The following BTAF1 variants were observed in gnomAD, a reference collection of about 807,000 sequenced individuals.
BTAF1 encodes the protein B-TFIID TATA-box binding protein associated factor 1.
BTAF1 carries 38 observed loss-of-function variants against 227.1 expected under a neutral mutation model. The observed-to-expected ratio is 0.17, with a 90% CI of 0.13 to 0.22. The LOEUF is 0.22. Ranked by LOEUF, BTAF1 falls within the 10% of genes least tolerant of loss-of-function variation. BTAF1 has a pLI of 1.00. For synonymous variants in BTAF1, 742 were observed against 751.9 expected (o/e 0.99, Z 0.21); for missense variants, 1,598 against 2,204.0 (o/e 0.73, Z 5.51).
intron 1 of BTAF1, among the ~76,000 whole-genome samples, chr10:91,926,431 C>T (rs1843836186): frequency 6.6e-6 from 1 of 152,130 alleles, no homozygotes; most frequent in African/African-American, 2.4e-5. Flanking sequence ...CTTTGACTTC[C>T]CTTTTCCTCC....
rs1846393618 is a variant in BTAF1, at chr10:91,960,045, C to T, written c.1154C>T (p.Thr385Ile). 1 of 1,613,444 alleles carries T rather than the reference C, an allele frequency of 6.2e-7. No individual in the cohort carries two copies. Among genetic ancestry groups the T allele is most frequent in the Non-Finnish European group, 8.5e-7 (1 of 1,179,694 alleles). Residue 385 changes from threonine to isoleucine, a missense_variant, in exon 11 of 38, where the codon ACA becomes ATA. Thr to Ile is a moderately conservative substitution (Grantham distance 89). Coordinates refer to ENST00000265990, the MANE Select transcript of BTAF1 (RefSeq NM_003972.3). ...LGVVLKHMNETGVHKTVDVLL... is the reference protein window; with the variant it reads ...LGVVLKHMNEIGVHKTVDVLL... The stretch of plus-strand genomic sequence containing the variant: ...GTGGTTTTAAAACACATGAACGAAA[C>T]AGGAGTTCATAAGACTGTGGATGTG...
intron 25 of BTAF1, among the ~76,000 whole-genome samples, chr10:92,002,232 C>T (rs1211428469): frequency 6.6e-6 from 1 of 152,130 alleles, no homozygotes; most frequent in Non-Finnish European, 1.5e-5. Context: ...CGTTTAAGTT[C>T]ATTCCTGTTC....
chr10:91,992,023 G>A, intron 20 of BTAF1, 96 bp from the exon 21 acceptor site: 1 of 1,050,284 alleles, frequency 9.5e-7, no homozygotes, highest in Non-Finnish European at 1.3e-6. Flanking sequence ...AGGCCTAAAA[G>A]ACATAGTTTA....
Position 92,009,058 on chromosome 10 carries a change from G to C in BTAF1, c.3953G>C (p.Arg1318Thr), listed in dbSNP as rs1309056084. Residue 1318 changes from arginine (R) to threonine (T), a missense_variant, in exon 28 of 38, where the codon AGA becomes ACA. This residue lies in a region of BTAF1 where 184 missense variants were observed against 341.1 expected (regional missense o/e 0.54). Coordinates refer to ENST00000265990, the MANE Select transcript of BTAF1 (RefSeq NM_003972.3). ...DHCHRAQEYA[R>T]SKLAECMPLP... Reference sequence around the variant, plus strand: ...TTGTAAAGGGCCCAGGAATATGCAAGATCAAAATTAGCAGAATGTATGCCA... The same window carrying C: ...TTGTAAAGGGCCCAGGAATATGCAACATCAAAATTAGCAGAATGTATGCCA... The C allele has an allele frequency of 1.2e-6, 2 of 1,613,962 alleles. No individual in the cohort carries two copies. Among genetic ancestry groups the C allele is most frequent in the Non-Finnish European group, 1.7e-6 (2 of 1,180,000 alleles).
chr10:92,016,813 A>T (rs911076261), intron 33 of BTAF1, among the ~76,000 whole-genome samples: 2 of 152,166 alleles, frequency 1.3e-5, no homozygotes, highest in Admixed American at 6.6e-5. Flanking sequence ...ATTTTTAATG[A>T]GGCACTTTTT....
intron 33 of BTAF1, among the ~76,000 whole-genome samples, chr10:92,017,167 G>T (rs1257570586): frequency 3.3e-5 from 5 of 152,178 alleles, no homozygotes; most frequent in Non-Finnish European, 7.3e-5. Context: ...CCAATAATGT[G>T]GTTATAGTGT....
At chr10:91,962,309 GT>G (rs567734531) in intron 11 of BTAF1, among the ~76,000 whole-genome samples, 1,860 of 86,714 alleles carry the variant, frequency 0.021, 17 homozygotes, top group Non-Finnish European at 0.046. Context: ...CACACACATA[GT>G]TAGGCGTGGT....
At chr10:92,027,102 C>T (rs746271223) in intron 36 of BTAF1, 28 bp from the exon 37 acceptor site, 8 of 1,593,482 alleles carry the variant, frequency 5.0e-6, no homozygotes, top group Non-Finnish European at 6.8e-6. Context: ...ATATGTGTTA[C>T]GGTTGCTTAA....
chr10:91,928,617 T>C lies in BTAF1; in HGVS notation c.14+4527T>C, dbSNP rs907660223. Among the ~76,000 whole-genome samples the C allele has an allele frequency of 9.2e-5, 14 of 152,190 alleles. No homozygotes were observed. In the South Asian group the frequency reaches 2.3e-3, roughly 25 times the overall value. On this transcript the variant is annotated intron_variant, in intron 1 of 37. Transcript: ENST00000265990. ...TGAATAATTTAAATAATAAGTGTTA[T>C]ATTTTTGAACACCATTATTTTGCTT...
At chr10:91,987,205 CG>C (rs905416030) in intron 19 of BTAF1, among the ~76,000 whole-genome samples, 9 of 151,076 alleles carry the variant, frequency 6.0e-5, no homozygotes, top group African/African-American at 2.2e-4. Context: ...GTGTTTAGGC[CG>C]GGCGCAGTGG....
intron 2 of BTAF1, among the ~76,000 whole-genome samples, chr10:91,939,635 A>C (rs1047141952): frequency 6.6e-6 from 1 of 152,008 alleles, no homozygotes; most frequent in Non-Finnish European, 1.5e-5. Flanking sequence ...ATGGAGTTTC[A>C]CCATGTTGGC....
At chr10:92,014,368 C>T (rs1376576989) in intron 32 of BTAF1, among the ~76,000 whole-genome samples, 1 of 152,100 alleles carries the variant, frequency 6.6e-6, no homozygotes, top group Non-Finnish European at 1.5e-5. Flanking sequence ...GCTGGGACTG[C>T]AGGCACATAT....
Position 92,029,790 on chromosome 10 carries a change from A to T in BTAF1, c.*857A>T, listed in dbSNP as rs911776736. ...AGTGGAAAGACTGTTTATTGTAGTA[A>T]TGCATGGCTGAAGCATAAAAGGGAG... is the stretch of plus-strand genomic sequence containing the variant. On this transcript the variant is annotated 3_prime_UTR_variant, in exon 38 of 38. Coordinates refer to ENST00000265990, the MANE Select transcript of BTAF1 (RefSeq NM_003972.3). The T allele has an allele frequency of 1.3e-5, 2 of 152,400 alleles. No individual in the cohort carries two copies. Among genetic ancestry groups the T allele is most frequent in the African/African-American group, 4.8e-5 (2 of 41,454 alleles). The allele number at this position is 152,400 out of a possible 1,614,324, so 9.4% of individuals were successfully genotyped here.
Position 91,992,146 on chromosome 10 carries a change from A to C in BTAF1, c.2882A>C (p.His961Pro), listed in dbSNP as rs1191473969. ...KGSTSEKDGM[H>P]HTVTKHRGII... ...TCCACCTCAGAAAAAGATGGAATGC[A>C]CCATACTGTCACCAAGCACAGAGGT... The change falls in exon 21 of 38, where the codon CAC (histidine) becomes CCC (proline). Residue 961 changes from histidine (H) to proline (P), a missense_variant. Coordinates refer to ENST00000265990, the MANE Select transcript of BTAF1 (RefSeq NM_003972.3). 1 of 1,603,504 alleles carries C rather than the reference A, an allele frequency of 6.2e-7. No homozygotes were observed. The highest frequency in any genetic ancestry group is 8.5e-7 in the Non-Finnish European group (1 of 1,175,964).
At chr10:92,003,384 C>T (rs1849685425) in intron 25 of BTAF1, among the ~76,000 whole-genome samples, 1 of 152,196 alleles carries the variant, frequency 6.6e-6, no homozygotes, top group Non-Finnish European at 1.5e-5. Context: ...TAACCAGCAT[C>T]TATCCATTTC....
At chr10:91,999,275 T>G (rs1252391203) in intron 25 of BTAF1, among the ~76,000 whole-genome samples, 1 of 152,196 alleles carries the variant, frequency 6.6e-6, no homozygotes, top group South Asian at 2.1e-4. Flanking sequence ...TAATGAGTTA[T>G]AAATAGGATA....
Position 92,030,967 on chromosome 10 carries a change from T to C in BTAF1, c.*2034T>C, listed in dbSNP as rs1851858084. Among the ~76,000 whole-genome samples the C allele has an allele frequency of 1.3e-5, 2 of 152,166 alleles. No individual in the cohort carries two copies. Among genetic ancestry groups the C allele is most frequent in the Admixed American group, 1.3e-4 (2 of 15,282 alleles). ...AGATGTGGAGAATTGAACTGAGTAA[T>C]GAATGATATTAAAGAACTGCTGTCA... On this transcript the variant is annotated 3_prime_UTR_variant, in exon 38 of 38. Transcript: ENST00000265990.
At chr10:91,997,466 T>A in intron 24 of BTAF1, 137 bp from the exon 25 acceptor site, 1 of 725,156 alleles carries the variant, frequency 1.4e-6, no homozygotes, top group East Asian at 2.8e-5. Context: ...ATCATAGGCC[T>A]GGAGGGTCAG....
rs1475428503 is a variant in BTAF1, at chr10:91,966,697, A to G, written c.1590A>G (p.Ile530Met). ...PRVWPFLHHT[I>M]SSVRRAALET... is the part of the protein sequence containing the mutation. ...TCTGGCCTTTTTTGCATCACACTAT[A>G]TCATCAGTTCGAAGAGCAGCATTGG... The change falls in exon 14 of 38, where the codon ATA becomes ATG. Residue 530 changes from isoleucine (I) to methionine (M), a missense_variant. This residue lies in a region of BTAF1 where 318 missense variants were observed against 435.0 expected (regional missense o/e 0.73). Coordinates refer to ENST00000265990, the MANE Select transcript of BTAF1 (RefSeq NM_003972.3). 3.1e-6 allele frequency: 5 copies of G among 1,614,026 alleles called. No individual in the cohort carries two copies. Among genetic ancestry groups the G allele is most frequent in the Admixed American group, 1.7e-5 (1 of 60,022 alleles).
Sources: allele counts gnomAD v4.1 joint callset (sites outside exome capture counted in the v4.1 genomes callset), GRCh38; gene constraint gnomAD v4.1.1; regional missense constraint gnomAD v4.1.1; transcripts MANE v1.5; gene names NCBI Gene and HGNC (gene_info 2026-07-23, HGNC 2026-07-21).